Variants in FLYWCH1 observed in about 807,000 individuals in gnomAD.
The protein encoded by FLYWCH1 is FLYWCH-type zinc finger 1, also known as FLYWCH-type zinc finger-containing protein 1.
In FLYWCH1, 75 loss-of-function variants were observed where a neutral mutation model predicts 66.4. The ratio of observed to expected loss-of-function variants is 1.13; its 90% CI spans 0.94 to 1.37. The LOEUF (loss-of-function observed/expected upper bound fraction) is 1.37, where lower values mean the gene tolerates loss of function less well. Ranked by LOEUF, FLYWCH1 falls within the 40% of genes most tolerant of loss-of-function variation. FLYWCH1 has a pLI of 0.00. For synonymous variants in FLYWCH1, 595 were observed against 429.9 expected (o/e 1.38, Z -4.75); for missense variants, 1,334 against 1,001.8 (o/e 1.33, Z -4.48).
At chr16:2,937,482 C>T in intron 7 of FLYWCH1, 98 bp downstream of exon 7, 1 of 1,350,092 alleles carries the variant, frequency 7.4e-7, no homozygotes. Context: ...GTGTGTTGTG[C>T]ATGGTGGTCT....
intron 9 of FLYWCH1, among the ~76,000 whole-genome samples, chr16:2,944,839 T>TAAAA (rs1257226435): frequency 1.7e-4 from 25 of 149,844 alleles, no homozygotes; most frequent in Admixed American, 4.6e-4. Context: ...AAAAAAAATT[T>TAAAA]TTTTTAACTG....
chr16:2,919,692 G>C (rs1326055562), intron 2 of FLYWCH1, among the ~76,000 whole-genome samples: 1 of 152,138 alleles, frequency 6.6e-6, no homozygotes, highest in Non-Finnish European at 1.5e-5. Context: ...ACCATGCCCA[G>C]CTCGAAGTAC....
chr16:2,943,055 C>T (rs892865482), intron 9 of FLYWCH1, among the ~76,000 whole-genome samples: 1 of 152,062 alleles, frequency 6.6e-6, no homozygotes, highest in Non-Finnish European at 1.5e-5. Flanking sequence ...AATACTATCC[C>T]CAAATAACAA....
intron 9 of FLYWCH1, among the ~76,000 whole-genome samples, chr16:2,942,826 C>T (rs1006891304): frequency 2.0e-5 from 3 of 149,716 alleles, no homozygotes; most frequent in African/African-American, 7.5e-5. Flanking sequence ...TGAGTGATCC[C>T]AGGTAGCTGG....
At chr16:2,946,305 G>A (rs2151027439) in intron 9 of FLYWCH1, among the ~76,000 whole-genome samples, 1 of 148,658 alleles carries the variant, frequency 6.7e-6, no homozygotes, top group African/African-American at 2.5e-5. Flanking sequence ...GCCCTGTATA[G>A]GTGGGCTGTA....
rs765714208 is a variant in FLYWCH1 at position 2,933,473 on chromosome 16, C to A, written c.1140C>A (p.Pro380=). 9 of 1,604,940 alleles carry A rather than the reference C, an allele frequency of 5.6e-6. No homozygotes were observed. The highest frequency in any genetic ancestry group is 2.2e-5 in the East Asian group (1 of 44,456). ...TGCTCTACCGCAGGGGTCCGGGTCC[C>A]CTGACTCTCACCAGGCCTCGGCCCA... ...DSLLYRRGPG[P]LTLTRPRPRK... Residue 380 remains proline, a synonymous_variant, in exon 5 of 10, where the codon CCC becomes CCA. Transcript: ENST00000253928.
chr16:2,946,017 C>G (rs757950160), intron 9 of FLYWCH1, among the ~76,000 whole-genome samples: 2 of 151,940 alleles, frequency 1.3e-5, no homozygotes, highest in Non-Finnish European at 2.9e-5. Flanking sequence ...TAAATAAAAG[C>G]TTGTAGAATG....
intron 2 of FLYWCH1, among the ~76,000 whole-genome samples, chr16:2,917,374 C>T (rs955968829): frequency 2.0e-5 from 3 of 151,014 alleles, no homozygotes; most frequent in Admixed American, 6.6e-5. Context: ...GGATTACAGG[C>T]GCCCACCACG....
At chr16:2,945,233 A>T (rs2071428863) in intron 9 of FLYWCH1, among the ~76,000 whole-genome samples, 1 of 152,170 alleles carries the variant, frequency 6.6e-6, no homozygotes, top group Non-Finnish European at 1.5e-5. Context: ...CACGCCTGTA[A>T]TCCCAGCACT....
chr16:2,934,069 C>T, intron 6 of FLYWCH1, 90 bp downstream of exon 6: 1 of 1,377,662 alleles, frequency 7.3e-7, no homozygotes, highest in Non-Finnish European at 9.6e-7. Context: ...CTCCCCCTGG[C>T]AAACGTCCTC....
At chr16:2,918,324 T>C (rs1165756478) in intron 2 of FLYWCH1, among the ~76,000 whole-genome samples, 1 of 152,010 alleles carries the variant, frequency 6.6e-6, no homozygotes, top group Non-Finnish European at 1.5e-5. Flanking sequence ...ATTTTTTGTA[T>C]TTTTAGTAGA....
At chr16:2,934,041 TC>T (rs1016885558) in intron 6 of FLYWCH1, 62 bp downstream of exon 6, 222 of 1,446,182 alleles carry the variant, frequency 1.5e-4, no homozygotes, top group Non-Finnish European at 1.9e-4. Flanking sequence ...ACACTGCCTT[TC>T]CCTCTCCATG....
intron 3 of FLYWCH1, 143 bp from the exon 4 acceptor site, chr16:2,930,267 C>T (rs1041920000): frequency 1.6e-6 from 1 of 642,020 alleles, no homozygotes; most frequent in African/African-American, 1.8e-5. Flanking sequence ...AAAAACCAGC[C>T]CTGAGAGTCT....
At chr16:2,922,036 C>T (rs556088720) in intron 2 of FLYWCH1, among the ~76,000 whole-genome samples, 1 of 152,258 alleles carries the variant, frequency 6.6e-6, no homozygotes, top group African/African-American at 2.4e-5. Flanking sequence ...GCACTCCTGC[C>T]TGGGCAACTG....
chr16:2,936,859 TC>T (rs1238784525), intron 6 of FLYWCH1: 3 of 634,700 alleles, frequency 4.7e-6, no homozygotes, highest in Non-Finnish European at 8.8e-6. Context: ...AGACACTGCC[TC>T]CCTGAAGGCA....
chr16:2,925,513 G>C (rs553777290), intron 2 of FLYWCH1, among the ~76,000 whole-genome samples: 2 of 149,824 alleles, frequency 1.3e-5, no homozygotes, highest in South Asian at 2.1e-4. Context: ...CGGGAGGGGC[G>C]GGCTGCCGGT....
chr16:2,935,342 GCCTGCTTTTGTGTGTCCAGGTCGACCCCA>G (rs2070954586), intron 6 of FLYWCH1: 1 of 152,382 alleles, frequency 6.6e-6, no homozygotes, highest in Non-Finnish European at 1.5e-5. Context: ...GCGTTTGTTT[GCCTGCTTTTGTGTGTCCAGGTCGACCCCA>G]CCTGGATCCG....
intron 9 of FLYWCH1, among the ~76,000 whole-genome samples, chr16:2,947,058 C>T (rs967344362): frequency 2.0e-5 from 3 of 152,172 alleles, no homozygotes; most frequent in Non-Finnish European, 4.4e-5. Context: ...TTCATATCAA[C>T]ATTATTCCTA....
chr16:2,930,092 C>A, intron 3 of FLYWCH1, 82 bp downstream of exon 3: 3 of 1,239,048 alleles, frequency 2.4e-6, no homozygotes, highest in Non-Finnish European at 3.4e-6. Flanking sequence ...CTGCTTCAAG[C>A]ATAGTGTCTT....
Sources: gnomAD v4.1 joint callset for allele counts (sites outside exome capture counted in the v4.1 genomes callset) on GRCh38, gnomAD v4.1.1 for gene constraint, MANE v1.5 for transcripts, NCBI Gene and HGNC (gene_info 2026-07-23, HGNC 2026-07-21) for gene names.